SLC44A4: variants seen among roughly 807,000 people sequenced by gnomAD.
SLC44A4 encodes the protein choline transporter-like protein 4.
SLC44A4 carries 74 observed loss-of-function variants against 97.0 expected under a neutral mutation model. The observed-to-expected ratio is 0.76, with a 90% CI of 0.63 to 0.93. The LOEUF (loss-of-function observed/expected upper bound fraction) is 0.93. Among genes scored for constraint, SLC44A4 ranks in the 40% least tolerant of loss-of-function variants. SLC44A4 has a pLI of 0.00. For synonymous variants in SLC44A4, 325 were observed against 363.8 expected, an observed-to-expected ratio of 0.89 and a Z score of 1.21; for missense variants, 799 against 902.9, an observed-to-expected ratio of 0.88 and a Z score of 1.48.
In SLC44A4 at chr6:31,877,340, C is replaced by T. The variant is rs1235706676; in HGVS notation, c.41-258G>A. Among the ~76,000 whole-genome samples, 1 of 152,122 alleles carries T rather than the reference C, an allele frequency of 6.6e-6. No homozygotes were observed. The highest frequency in any genetic ancestry group is 2.4e-5 in the African/African-American group (1 of 41,428). On this transcript the variant is annotated intron_variant, in intron 1 of 20. Coordinates refer to ENST00000229729, the MANE Select transcript of SLC44A4 (RefSeq NM_025257.3). The surrounding 1 kb of genome is among the most constrained non-coding windows in gnomAD (Gnocchi z 6.5). ...GAAGGCCTTTATAGTTTCCGGCTCA[C>T]ATCTCAAGGCAGTCAGTCTGGGAAA...
chr6:31,865,965 G>C lies in SLC44A4; in HGVS notation c.1395C>G (p.Leu465=). The C allele has an allele frequency of 1.2e-6, 2 of 1,614,236 alleles. No homozygotes were observed. The highest frequency in any genetic ancestry group is 1.1e-5 in the South Asian group (1 of 91,088). ...NWVLALGQCV[L]AGAFASFYWA... ...AGTAGAAGGAGGCAAAGGCTCCAGC[G>C]AGGACGCATTGGCCCAGGGCCAGTA... Residue 465 remains leucine, a synonymous_variant, in exon 14 of 21, where the codon CTC becomes CTG. Transcript: ENST00000229729. This position sits in a 1 kb window ranked among gnomAD's most constrained non-coding sequence, Gnocchi z 5.2.
intron 7 of SLC44A4, among the ~76,000 whole-genome samples, chr6:31,872,222 TTATC>T (rs1047859676): frequency 3.3e-5 from 5 of 152,124 alleles, no homozygotes; most frequent in African/African-American, 9.7e-5. Context: ...TGTCATTTAT[TTATC>T]TATTTATTTA....
intron 20 of SLC44A4, 64 bp from the exon 21 acceptor site, chr6:31,863,812 A>G: frequency 6.2e-7 from 1 of 1,602,114 alleles, no homozygotes; most frequent in Non-Finnish European, 8.5e-7. Flanking sequence ...ACTGGGAGGC[A>G]AGCTGCCTGC....
intron 20 of SLC44A4, 114 bp downstream of exon 20, chr6:31,864,538 T>G: frequency 1.0e-6 from 1 of 1,003,162 alleles, no homozygotes. Context: ...CTCTGGTTCG[T>G]TTAGCTCACA....
At chr6:31,864,579 C>CAAA (rs5875335) in intron 20 of SLC44A4, 73 bp downstream of exon 20, 288 of 1,259,264 alleles carry the variant, frequency 2.3e-4, no homozygotes, top group South Asian at 1.9e-3. Flanking sequence ...ACCAAATCTC[C>CAAA]AAAAAAAAAA....
In SLC44A4 at chr6:31,874,091, G is replaced by T. The variant is rs1339126366; in HGVS notation, c.529+369C>A. ...GATCACGCCACTGCACTCCAGCCTG[G>T]GCAACAGAGGAAGACTCCGTCAAAA... On this transcript the variant is annotated intron_variant, in intron 7 of 20. Transcript: ENST00000229729. The surrounding 1 kb of genome is among the most constrained non-coding windows in gnomAD (Gnocchi z 4.8). Among the ~76,000 whole-genome samples, 1 of 151,954 alleles carries T rather than the reference G, an allele frequency of 6.6e-6. No individual in the cohort carries two copies. Among genetic ancestry groups the T allele is most frequent in the Non-Finnish European group, 1.5e-5 (1 of 67,998 alleles).
In SLC44A4 at chr6:31,863,994, G is replaced by C. The variant is rs1347474338; in HGVS notation, c.2012-246C>G. Among the ~76,000 whole-genome samples the C allele has an allele frequency of 2.6e-5, 4 of 152,024 alleles. No homozygotes were observed. The South Asian group carries it at 8.3e-4, about 32-fold the overall frequency. On this transcript the variant is annotated intron_variant, in intron 20 of 20. Transcript: ENST00000229729. ...GGAGGAGACTGGCAAACCCTGAATG[G>C]ATGCATGCTGTAGAGTAAGAAAATC...
At position 31,865,224 on chromosome 6, in the gene SLC44A4, A is replaced by G; in HGVS notation, c.1760+91T>C. 1.3e-6 allele frequency: 2 copies of G among 1,538,238 alleles called. No individual in the cohort carries two copies. The highest frequency in any genetic ancestry group is 1.8e-6 in the Non-Finnish European group (2 of 1,111,346). On this transcript the variant is annotated intron_variant, in intron 17 of 20. Transcript: ENST00000229729. The surrounding 1 kb of genome is among the most constrained non-coding windows in gnomAD (Gnocchi z 5.2). ...AAGAGCAGAGCACTAAACTAAGTCT[A>G]GGGCCCGACTGAGCACAGCACACCC... is the stretch of plus-strand genomic sequence containing the variant.
At position 31,863,662 on chromosome 6, in the gene SLC44A4, C is replaced by A; in HGVS notation, c.2098G>T (p.Glu700Ter). 1.9e-6 allele frequency: 3 copies of A among 1,612,218 alleles called. No homozygotes were observed. The highest frequency in any genetic ancestry group is 1.7e-6 in the Non-Finnish European group (2 of 1,179,738). ...SLLKILGKKN[E>*]APPDNKKRKK ...CTCTTCTTGTTGTCCGGGGGCGCCT[C>A]GTTCTTCTTGCCCAGAATCTTTAGA... The change falls in exon 21 of 21, where the codon GAG (glutamate) becomes TAG (stop). Residue 700 changes from glutamate to a stop codon, truncating the protein, a stop_gained. Transcript: ENST00000229729. LOFTEE classifies it high-confidence loss of function.
chr6:31,877,647 A>G lies in SLC44A4; in HGVS notation c.41-565T>C, dbSNP rs1041316922. ...CCTGGGGAGGGAAGCGGCCCTGTAC[A>G]TCCTCACTCTGGTGGGACCTCAGTC... On this transcript the variant is annotated intron_variant, in intron 1 of 20. Coordinates refer to ENST00000229729, the MANE Select transcript of SLC44A4 (RefSeq NM_025257.3). The surrounding 1 kb of genome is among the most constrained non-coding windows in gnomAD (Gnocchi z 6.5). 1 of 986,342 alleles carries G rather than the reference A, an allele frequency of 1.0e-6. No homozygotes were observed. The highest frequency in any genetic ancestry group is 1.7e-5 in the African/African-American group (1 of 57,210). The allele number at this position is 986,342 out of a possible 1,614,324, so 61.1% of individuals were successfully genotyped here.
Position 31,874,376 on chromosome 6 carries a change from A to G in SLC44A4, c.529+84T>C. 25 of 1,374,056 alleles carry G rather than the reference A, an allele frequency of 1.8e-5. No homozygotes were observed. Among genetic ancestry groups the G allele is most frequent in the Non-Finnish European group, 2.4e-5 (23 of 969,168 alleles). The allele number at this position is 1,374,056 out of a possible 1,614,324, so 85.1% of individuals were successfully genotyped here. ...TGCCACCAACAAGCTATGTGACTTC[A>G]CTCTCTCTGGGCCTGATTTCTTCAT... On this transcript the variant is annotated intron_variant, in intron 7 of 20. Transcript: ENST00000229729. The surrounding 1 kb of genome is among the most constrained non-coding windows in gnomAD (Gnocchi z 4.8).
intron 11 of SLC44A4, 69 bp downstream of exon 11, chr6:31,870,534 C>A: frequency 3.8e-6 from 5 of 1,313,044 alleles, no homozygotes; most frequent in Non-Finnish European, 5.3e-6. Flanking sequence ...TCTAGCACCC[C>A]CTAGGTCCCC....
At chr6:31,869,984 C>CAA (rs35993960) in intron 11 of SLC44A4, among the ~76,000 whole-genome samples, 1 of 142,614 alleles carries the variant, frequency 7.0e-6, no homozygotes, top group Non-Finnish European at 1.5e-5. Flanking sequence ...GACTCCGTCT[C>CAA]AAAAAAAAAA....
At position 31,874,773 on chromosome 6, in the gene SLC44A4, A is replaced by T; in HGVS notation, c.416T>A (p.Val139Asp). ...KNEFSQTVGE[V>D]FYTKNRNFCL... ...AAAGTTCCTGTTTTTTGTATAGAAG[A>T]CTTCCCCAACAGTCTGTGAGAACTC... Residue 139 changes from valine (V) to aspartate (D), a missense_variant, in exon 6 of 21, where the codon GTC (valine) becomes GAC (aspartate). Around this residue, in one of 3 missense-constraint regions of SLC44A4, gnomAD observed 409 missense variants for 434.1 expected, o/e 0.94. Coordinates refer to ENST00000229729, the MANE Select transcript of SLC44A4 (RefSeq NM_025257.3). The surrounding 1 kb of genome is among the most constrained non-coding windows in gnomAD (Gnocchi z 4.8). 1 of 1,613,926 alleles carries T rather than the reference A, an allele frequency of 6.2e-7. No individual in the cohort carries two copies. Among genetic ancestry groups the T allele is most frequent in the Non-Finnish European group, 8.5e-7 (1 of 1,179,926 alleles).
At chr6:31,866,227 A>T in intron 13 of SLC44A4, 101 bp from the exon 14 acceptor site, 1 of 1,447,122 alleles carries the variant, frequency 6.9e-7, no homozygotes, top group Non-Finnish European at 9.3e-7. Context: ...CCCAGAGTTG[A>T]CAGGTGGGAA....
chr6:31,878,066 G>A lies in SLC44A4; in HGVS notation c.40+875C>T, dbSNP rs1045162339. ...TTCCCCTTCAGACCAGAAGACCAGG[G>A]GGGCCTCCGCAGGTGAGTCCCCAGC... On this transcript the variant is annotated intron_variant, in intron 1 of 20. Coordinates refer to ENST00000229729, the MANE Select transcript of SLC44A4 (RefSeq NM_025257.3). This position sits in a 1 kb window ranked among gnomAD's most constrained non-coding sequence, Gnocchi z 4.0. 1.3e-5 allele frequency: 2 copies of A among 152,094 alleles called. No individual in the cohort carries two copies. The highest frequency in any genetic ancestry group is 2.9e-5 in the Non-Finnish European group (2 of 68,052). 9.4% of individuals were successfully genotyped at this position (152,094 alleles called of 1,614,324 possible). A position where few individuals can be genotyped will look rare whatever the true frequency, so the allele number is the denominator to read the frequency against.
At position 31,871,542 on chromosome 6, in the gene SLC44A4, T is replaced by A. The variant is rs1327841781; in HGVS notation, c.549A>T (p.Pro183=). ...GCGCCGGTGGAGTAACGTTGGTCCA[T>A]GGAAAGCAGCGCCCCAGAGCTGGAA... is the stretch of plus-strand genomic sequence containing the variant. ...PSAPALGRCF[P]WTNVTPPALP... is the part of the protein sequence containing the mutation. Residue 183 remains proline, a synonymous_variant, in exon 8 of 21, where the codon CCA becomes CCT. Coordinates refer to ENST00000229729, the MANE Select transcript of SLC44A4 (RefSeq NM_025257.3). 1.2e-6 allele frequency: 2 copies of A among 1,613,634 alleles called. No individual in the cohort carries two copies. The highest frequency in any genetic ancestry group is 1.7e-6 in the Non-Finnish European group (2 of 1,179,744).
chr6:31,873,696 A>G (rs1162328225), intron 7 of SLC44A4, among the ~76,000 whole-genome samples: 2 of 151,830 alleles, frequency 1.3e-5, no homozygotes, highest in African/African-American at 2.4e-5. Context: ...AAAAAGTTCA[A>G]CTGTGATCCT....
rs1257543155 is a variant in SLC44A4 at position 31,878,024 on chromosome 6, T to C, written c.40+917A>G. The C allele has an allele frequency of 6.6e-6, 1 of 151,936 alleles. No homozygotes were observed. Among genetic ancestry groups the C allele is most frequent in the Non-Finnish European group, 1.5e-5 (1 of 67,962 alleles). 9.4% of individuals were successfully genotyped at this position (151,936 alleles called of 1,614,324 possible). A position where few individuals can be genotyped will look rare whatever the true frequency, so the allele number is the denominator to read the frequency against. On this transcript the variant is annotated intron_variant, in intron 1 of 20. Transcript: ENST00000229729. The surrounding 1 kb of genome is among the most constrained non-coding windows in gnomAD (Gnocchi z 4.0). The stretch of plus-strand genomic sequence containing the variant: ...GGACTCAAGCCTCTCCTCGAGAAGG[T>C]CCCTCATAGGGGTTCCTTCCCCTTC...
Sources: allele counts gnomAD v4.1 joint callset (sites outside exome capture counted in the v4.1 genomes callset), GRCh38; gene constraint gnomAD v4.1.1; regional missense constraint gnomAD v4.1.1; non-coding constraint Gnocchi (gnomAD v3.1); transcripts MANE v1.5; gene names NCBI Gene and HGNC (gene_info 2026-07-23, HGNC 2026-07-21).